The following NEDD9 variants were observed in gnomAD, a reference collection of about 807,000 sequenced individuals.
The protein encoded by NEDD9 is enhancer of filamentation 1.
Under a neutral mutation model 76.6 loss-of-function variants are expected in NEDD9, and 26 were observed. The ratio of observed to expected loss-of-function variants is 0.34; its 90% CI spans 0.25 to 0.47. The LOEUF is 0.47. Ranked by LOEUF, NEDD9 falls within the 20% of genes least tolerant of loss-of-function variation. The pLI is 1.00. For synonymous variants in NEDD9, 392 were observed against 414.2 expected (o/e 0.95, Z 0.65); for missense variants, 937 against 1,058.5 (o/e 0.89, Z 1.59).
At chr6:11,234,430 T>C (rs1263495180), upstream of NEDD9, among the ~76,000 whole-genome samples, 1 of 152,238 alleles carries the variant, frequency 6.6e-6, no homozygotes, top group African/African-American at 2.4e-5. Context: ...TTTTTCTGTT[T>C]TGTTTGATGA....
At chr6:11,312,696 A>AT (rs371092803) in intron 2 of NEDD9, among the ~76,000 whole-genome samples, 2 of 58,056 alleles carry the variant, frequency 3.4e-5, no homozygotes, top group Admixed American at 1.5e-4. Context: ...TATATATTAT[A>AT]TATATATATA....
At chr6:11,188,095 G>A in intron 6 of NEDD9, 123 bp downstream of exon 6, 1 of 788,162 alleles carries the variant, frequency 1.3e-6, no homozygotes, top group Non-Finnish European at 2.2e-6. Flanking sequence ...CCGTGCTTTG[G>A]AGCTGATTCC....
chr6:11,319,953 A>G (rs1761748546), intron 2 of NEDD9, among the ~76,000 whole-genome samples: 1 of 150,424 alleles, frequency 6.6e-6, no homozygotes, highest in Admixed American at 6.8e-5. Context: ...TGTTGTGAGG[A>G]TTGAATAGAA....
intron 3 of NEDD9, among the ~76,000 whole-genome samples, chr6:11,275,571 T>C (rs1382058344): frequency 7.2e-6 from 1 of 138,728 alleles, no homozygotes; most frequent in Admixed American, 7.1e-5. Context: ...CACACATATA[T>C]ATATATACAA....
chr6:11,262,198 A>G (rs1760127416), intron 3 of NEDD9, among the ~76,000 whole-genome samples: 1 of 152,192 alleles, frequency 6.6e-6, no homozygotes, highest in Non-Finnish European at 1.5e-5. Flanking sequence ...TGATGGTACA[A>G]AAGCTCTAGC....
At chr6:11,326,146 CAAAAAAA>C (rs113503681) in intron 2 of NEDD9, among the ~76,000 whole-genome samples, 1 of 89,888 alleles carries the variant, frequency 1.1e-5, no homozygotes, top group East Asian at 3.3e-4. Context: ...AACCTCATCT[CAAAAAAA>C]AAAAAAAAAG....
intron 3 of NEDD9, among the ~76,000 whole-genome samples, chr6:11,286,047 A>G (rs7748486): frequency 0.4 from 60,840 of 152,098 alleles, 14,083 homozygotes; most frequent in African/African-American, 0.66. Context: ...TTATTAGACT[A>G]AGAAGACAAG....
chr6:11,286,247 A>G (rs1760646912), intron 3 of NEDD9, among the ~76,000 whole-genome samples: 1 of 152,242 alleles, frequency 6.6e-6, no homozygotes, highest in Admixed American at 6.5e-5. Flanking sequence ...AAGATGCTCA[A>G]CATCATTAGT....
At chr6:11,257,810 T>TGTGTGTGCGC (rs1340885962) in intron 3 of NEDD9, among the ~76,000 whole-genome samples, 1 of 151,296 alleles carries the variant, frequency 6.6e-6, no homozygotes, top group Non-Finnish European at 1.5e-5. Flanking sequence ...TGTGTGTGTG[T>TGTGTGTGCGC]GCAGTACGGC....
intron 2 of NEDD9, among the ~76,000 whole-genome samples, chr6:11,320,451 G>T (rs1242290033): frequency 6.6e-6 from 1 of 152,096 alleles, no homozygotes; most frequent in Non-Finnish European, 1.5e-5. Context: ...TGGAAGAGAG[G>T]TCCACACGGT....
intron 2 of NEDD9, among the ~76,000 whole-genome samples, chr6:11,310,979 C>T (rs1196956284): frequency 1.3e-5 from 2 of 152,144 alleles, no homozygotes; most frequent in African/African-American, 2.4e-5. Context: ...TGAATCCCTC[C>T]ACCTGTCACC....
intron 1 of NEDD9, among the ~76,000 whole-genome samples, chr6:11,357,520 G>A (rs181722009): frequency 7.9e-5 from 12 of 152,278 alleles, no homozygotes; most frequent in Non-Finnish European, 1.0e-4. Flanking sequence ...AATAGGGAGC[G>A]CCCAGTCCAA....
At chr6:11,267,677 A>G (rs1236918432) in intron 3 of NEDD9, among the ~76,000 whole-genome samples, 1 of 152,184 alleles carries the variant, frequency 6.6e-6, no homozygotes, top group Non-Finnish European at 1.5e-5. Flanking sequence ...CTAGTAAGAA[A>G]AAAAAATTAG....
At chr6:11,253,207 G>T (rs187047095) in intron 3 of NEDD9, among the ~76,000 whole-genome samples, 1 of 152,136 alleles carries the variant, frequency 6.6e-6, no homozygotes, top group Non-Finnish European at 1.5e-5. Flanking sequence ...GTGCGCAGTC[G>T]TTGAACTTAC....
At chr6:11,225,254 C>T (rs1759276356) in intron 1 of NEDD9, among the ~76,000 whole-genome samples, 7 of 152,206 alleles carry the variant, frequency 4.6e-5, no homozygotes, top group Admixed American at 4.6e-4. Context: ...CATAACATTT[C>T]ATGTGAGGGA....
At chr6:11,303,592 G>T (rs1296010279) in intron 3 of NEDD9, among the ~76,000 whole-genome samples, 2 of 152,030 alleles carry the variant, frequency 1.3e-5, no homozygotes, top group Non-Finnish European at 2.9e-5. Flanking sequence ...AAACAGCATG[G>T]TACTGGTACC....
intron 3 of NEDD9, among the ~76,000 whole-genome samples, chr6:11,280,263 A>G (rs1760508375): frequency 6.6e-6 from 1 of 152,184 alleles, no homozygotes; most frequent in Non-Finnish European, 1.5e-5. Context: ...TCCATCAGAC[A>G]CTGGGTACCC....
chr6:11,256,999 A>G (rs1760015806), intron 3 of NEDD9, among the ~76,000 whole-genome samples: 1 of 152,238 alleles, frequency 6.6e-6, no homozygotes, highest in African/African-American at 2.4e-5. Context: ...CATGAATGCC[A>G]GAAAACAGGG....
intron 1 of NEDD9, among the ~76,000 whole-genome samples, chr6:11,348,812 A>G (rs151332367): frequency 0.026 from 3,934 of 152,302 alleles, 158 homozygotes; most frequent in African/African-American, 0.089. Context: ...ACCCAAAACT[A>G]TAAAAACCCT....
Sources: allele counts gnomAD v4.1 joint callset (sites outside exome capture counted in the v4.1 genomes callset), GRCh38; gene constraint gnomAD v4.1.1; transcripts MANE v1.5; gene names NCBI Gene and HGNC (gene_info 2026-07-23, HGNC 2026-07-21).